The following IL5 variants were observed in gnomAD, a reference collection of about 807,000 sequenced individuals.
IL5 encodes interleukin-5.
IL5 carries 12 observed loss-of-function variants against 16.3 expected under a neutral mutation model. That is an observed-to-expected ratio of 0.74 (90% CI 0.47 to 1.20). The LOEUF is 1.20. IL5 is among the 50% of genes most tolerant of loss of function. The pLI, the probability that IL5 is intolerant of heterozygous loss-of-function variation, is 0.00. For missense variants in IL5, 159 were observed against 153.9 expected (o/e 1.03, Z -0.17); for synonymous variants, 54 against 56.6 (o/e 0.95, Z 0.21).
Position 132,543,464 on chromosome 5 carries a change from C to T in IL5, c.15G>A (p.Leu5=), listed in dbSNP as rs1406696285. 6.2e-7 allele frequency: 1 copy of T among 1,614,110 alleles called. No individual in the cohort carries two copies. The highest frequency in any genetic ancestry group is 2.2e-5 in the East Asian group (1 of 44,880). Residue 5 remains leucine (L), a synonymous_variant, in exon 1 of 4, where the codon CTG becomes CTA. Coordinates refer to ENST00000231454, the MANE Select transcript of IL5 (RefSeq NM_000879.3). Reference sequence around the variant, plus strand: ...CTCCAAGAGCTAGCAAACTCAAATGCAGAAGCATCCTCATGGCTCTGAAAC... The same window carrying T: ...CTCCAAGAGCTAGCAAACTCAAATGTAGAAGCATCCTCATGGCTCTGAAAC... The part of the protein sequence containing the change: MRML[L]HLSLLALGAA...
upstream of IL5, among the ~76,000 whole-genome samples, chr5:132,548,098 G>A (rs1377553614): frequency 6.6e-6 from 1 of 151,790 alleles, no homozygotes; most frequent in Non-Finnish European, 1.5e-5. Context: ...TAATAATACT[G>A]CACATTGAAA....
intron 2 of IL5, among the ~76,000 whole-genome samples, chr5:132,542,856 C>T (rs2069817): frequency 0.026 from 3,907 of 152,254 alleles, 177 homozygotes; most frequent in African/African-American, 0.09. Context: ...ATCCCTGACA[C>T]GATGCTCTTT....
upstream of IL5, among the ~76,000 whole-genome samples, chr5:132,548,012 T>A (rs1470096219): frequency 6.6e-6 from 1 of 152,146 alleles, no homozygotes; most frequent in Non-Finnish European, 1.5e-5. Flanking sequence ...GAGGTTGCCG[T>A]GAGCTGAGAT....
chr5:132,549,724 G>A lies in IL5; in HGVS notation c.43-6598C>T, dbSNP rs1242331863. On this transcript the variant is annotated intron_variant, in intron 1 of 2. Transcript: ENST00000450655. ...AACTGATAACTGTGGTTTTTACTGTGTAGTCCTTAAGGTCAAATGACTTTT... is the reference window on the plus strand; with the variant it reads ...AACTGATAACTGTGGTTTTTACTGTATAGTCCTTAAGGTCAAATGACTTTT... Among the ~76,000 whole-genome samples the A allele has an allele frequency of 2.0e-5, 3 of 152,266 alleles. No individual in the cohort carries two copies. The South Asian group carries it at 6.2e-4, about 32-fold the overall frequency.
intron 1 of IL5, among the ~76,000 whole-genome samples, chr5:132,554,031 G>A (rs983501334): frequency 6.7e-6 from 1 of 149,652 alleles, no homozygotes; most frequent in Non-Finnish European, 1.5e-5. Context: ...GGAAAAGGGT[G>A]AATTTTACTG....
chr5:132,543,515 A>C lies in IL5; in HGVS notation c.-37T>G. The C allele has an allele frequency of 6.2e-7, 1 of 1,609,330 alleles. No individual in the cohort carries two copies. Among genetic ancestry groups the C allele is most frequent in the Non-Finnish European group, 8.5e-7 (1 of 1,177,842 alleles). On this transcript the variant is annotated 5_prime_UTR_variant, in exon 1 of 4. Transcript: ENST00000231454. ...GTTCTGCGTTTGCCTTTGGCAAAGA[A>C]AGTGCATAGTACAAGACTGCGTCCC...
chr5:132,556,638 A>C (rs761214910), intron 1 of IL5: 4 of 1,183,218 alleles, frequency 3.4e-6, no homozygotes, highest in South Asian at 3.3e-5. Flanking sequence ...AGAGAGAATG[A>C]GAATGAAAAG....
chr5:132,548,412 A>G (rs1749827651), upstream of IL5, among the ~76,000 whole-genome samples: 1 of 152,234 alleles, frequency 6.6e-6, no homozygotes, highest in Non-Finnish European at 1.5e-5. Flanking sequence ...TAACTGAATG[A>G]ACAAGCAGGC....
intron 1 of IL5, among the ~76,000 whole-genome samples, chr5:132,548,562 T>C (rs908971474): frequency 1.3e-5 from 2 of 152,216 alleles, no homozygotes; most frequent in African/African-American, 4.8e-5. Flanking sequence ...AAAGCCATTG[T>C]CTATGTGGAG....
intron 1 of IL5, among the ~76,000 whole-genome samples, chr5:132,550,348 A>T (rs192330233): frequency 1.4e-5 from 2 of 148,116 alleles, no homozygotes; most frequent in African/African-American, 5.0e-5. Flanking sequence ...TTTTTGAGAC[A>T]GAGTCTCACT....
chr5:132,550,273 T>C (rs973232582), intron 1 of IL5, among the ~76,000 whole-genome samples: 3 of 152,158 alleles, frequency 2.0e-5, no homozygotes, highest in African/African-American at 7.2e-5. Context: ...TATAGCTTTG[T>C]TACATTTTAC....
At chr5:132,544,426 G>T (rs1749751944), upstream of IL5, among the ~76,000 whole-genome samples, 1 of 152,210 alleles carries the variant, frequency 6.6e-6, no homozygotes, top group African/African-American at 2.4e-5. Flanking sequence ...GCTTAGAAAT[G>T]TGGGGTCCCA....
chr5:132,543,347 C>T lies in IL5; in HGVS notation c.132G>A (p.Leu44=), dbSNP rs2149823227. ...TAAAGAAAATTACCTCATTGGCTATCAGCAGAGTTCGATGAGTAGAAAGCA... is the reference window on the plus strand; with the variant it reads ...TAAAGAAAATTACCTCATTGGCTATTAGCAGAGTTCGATGAGTAGAAAGCA... ...LALLSTHRTL[L]IANETLRIPV... The change falls in exon 1 of 4, where the codon CTG becomes CTA. Residue 44 remains leucine, a synonymous_variant. Coordinates refer to ENST00000231454, the MANE Select transcript of IL5 (RefSeq NM_000879.3). 6.2e-7 allele frequency: 1 copy of T among 1,614,050 alleles called. No homozygotes were observed. Among genetic ancestry groups the T allele is most frequent in the African/African-American group, 1.3e-5 (1 of 75,062 alleles).
upstream of IL5, chr5:132,543,738 G>A (rs1474601712): frequency 1.0e-5 from 3 of 300,950 alleles, no homozygotes; most frequent in Non-Finnish European, 1.8e-5. Flanking sequence ...GAATCTTTGG[G>A]TTAATACATC....
At chr5:132,550,038 TTA>T (rs34593653) in intron 1 of IL5, among the ~76,000 whole-genome samples, 29,767 of 152,078 alleles carry the variant, frequency 0.2, 3,033 homozygotes, top group South Asian at 0.23. Context: ...TTTATCTTTT[TTA>T]TGAGTATTTC....
upstream of IL5, among the ~76,000 whole-genome samples, chr5:132,545,557 G>A (rs150605758): frequency 9.5e-3 from 1,439 of 152,242 alleles, 24 homozygotes; most frequent in African/African-American, 0.033. Flanking sequence ...GTAAGCCCAG[G>A]CAGTGGATCC....
At chr5:132,550,833 A>G (rs1749872453) in intron 1 of IL5, among the ~76,000 whole-genome samples, 1 of 152,234 alleles carries the variant, frequency 6.6e-6, no homozygotes, top group African/African-American at 2.4e-5. Flanking sequence ...AAAGAGTTTG[A>G]TAAATATGCT....
At chr5:132,545,659 G>A (rs1749771476), upstream of IL5, among the ~76,000 whole-genome samples, 1 of 152,186 alleles carries the variant, frequency 6.6e-6, no homozygotes. Context: ...TAGCATGCAT[G>A]ATCTGTCTAA....
intron 1 of IL5, among the ~76,000 whole-genome samples, chr5:132,553,760 C>A (rs543747696): frequency 7.9e-5 from 12 of 151,520 alleles, no homozygotes; most frequent in African/African-American, 2.4e-4. Flanking sequence ...CACGGTGAAA[C>A]CCCGTCTCTA....
Sources: allele counts gnomAD v4.1 joint callset (sites outside exome capture counted in the v4.1 genomes callset), GRCh38; gene constraint gnomAD v4.1.1; transcripts MANE v1.5; gene names NCBI Gene and HGNC (gene_info 2026-07-23, HGNC 2026-07-21).